Variants in USP4 observed in about 807,000 individuals in gnomAD.
USP4 encodes the protein ubiquitin specific peptidase 4.
Under a neutral mutation model 118.2 loss-of-function variants are expected in USP4, and 72 were observed. That is an observed-to-expected ratio of 0.61 (90% CI 0.50 to 0.74). USP4 has a LOEUF of 0.74. Among genes scored for constraint, USP4 ranks in the 30% least tolerant of loss-of-function variants. USP4 has a pLI of 0.00. For synonymous variants in USP4, 415 were observed against 440.4 expected, an observed-to-expected ratio of 0.94 and a Z score of 0.72; for missense variants, 1,037 against 1,185.7, an observed-to-expected ratio of 0.87 and a Z score of 1.84.
At position 49,300,494 on chromosome 3, in the gene USP4, A is replaced by G. The variant is rs2047253034; in HGVS notation, c.1485T>C (p.Pro495=). The G allele has an allele frequency of 6.2e-7, 1 of 1,614,228 alleles. No homozygotes were observed. Among genetic ancestry groups the G allele is most frequent in the South Asian group, 1.1e-5 (1 of 91,090 alleles). The change falls in exon 11 of 22, where the codon CCT becomes CCC. Residue 495 remains proline (P), a synonymous_variant. Coordinates refer to ENST00000265560, the MANE Select transcript of USP4 (RefSeq NM_003363.4). The part of the protein sequence containing the change: ...KDRVMEVFLV[P]ADPHCRPTQY... ...GAGTAGGTCTGCAGTGAGGGTCAGC[A>G]GGAACCAGGAAAACCTCCATAACTC... is the stretch of plus-strand genomic sequence containing the variant.
At chr3:49,304,372 C>G (rs2107782405) in intron 9 of USP4, among the ~76,000 whole-genome samples, 1 of 152,162 alleles carries the variant, frequency 6.6e-6, no homozygotes, top group South Asian at 2.1e-4. Context: ...CAGGAAAAAG[C>G]AGTTGGGGCA....
At chr3:49,285,376 G>C (rs1252385272) in intron 16 of USP4, among the ~76,000 whole-genome samples, 1 of 152,170 alleles carries the variant, frequency 6.6e-6, no homozygotes, top group Non-Finnish European at 1.5e-5. Flanking sequence ...TAGCATAGGG[G>C]AGAGAGGGGA....
At chr3:49,292,042 C>G (rs371532084) in intron 15 of USP4, among the ~76,000 whole-genome samples, 3 of 152,060 alleles carry the variant, frequency 2.0e-5, no homozygotes, top group Non-Finnish European at 2.9e-5. Flanking sequence ...CTCCTGACCT[C>G]GTGATCCGCC....
chr3:49,287,542 G>T (rs925100186), intron 15 of USP4, among the ~76,000 whole-genome samples: 1 of 150,134 alleles, frequency 6.7e-6, no homozygotes, highest in East Asian at 2.0e-4. Flanking sequence ...GTGCAATCTC[G>T]GCTCACTGCC....
intron 8 of USP4, among the ~76,000 whole-genome samples, chr3:49,306,404 T>A (rs544833937): frequency 2.7e-4 from 41 of 152,006 alleles, no homozygotes; most frequent in African/African-American, 8.9e-4. Context: ...GGTTTCACCA[T>A]GTTGGCCAGG....
chr3:49,317,544 T>A, intron 6 of USP4: 1 of 54,814 alleles, frequency 1.8e-5, no homozygotes, highest in South Asian at 4.9e-4. Flanking sequence ...GTTTGTTTGT[T>A]TTTTTTTTTT....
chr3:49,333,811 G>A (rs1012650697), intron 2 of USP4, among the ~76,000 whole-genome samples: 2 of 152,132 alleles, frequency 1.3e-5, no homozygotes, highest in African/African-American at 4.8e-5. Context: ...GCTGAGGTCG[G>A]GAGTTCAAGA....
intron 8 of USP4, among the ~76,000 whole-genome samples, chr3:49,309,413 T>C (rs1007200414): frequency 5.3e-5 from 8 of 152,098 alleles, no homozygotes; most frequent in Non-Finnish European, 1.2e-4. Flanking sequence ...GATGAATTAA[T>C]AAACAAGGTT....
chr3:49,314,497 A>G (rs73830706), intron 6 of USP4, among the ~76,000 whole-genome samples: 2 of 152,258 alleles, frequency 1.3e-5, no homozygotes, highest in Middle Eastern at 3.4e-3. Flanking sequence ...CATGTGTTCA[A>G]TCCTGTCCAG....
chr3:49,309,687 C>T (rs926499263), intron 8 of USP4, among the ~76,000 whole-genome samples: 6 of 125,144 alleles, frequency 4.8e-5, no homozygotes, highest in Admixed American at 1.1e-4. Context: ...AATACAATGG[C>T]GCAATCTCGG....
chr3:49,297,758 A>G (rs2107777131), intron 13 of USP4, 112 bp downstream of exon 13: 1 of 868,330 alleles, frequency 1.2e-6, no homozygotes, highest in South Asian at 1.5e-5. Flanking sequence ...GGTCAGGGCC[A>G]ATCCACATGA....
rs766574263 is a variant in USP4, at chr3:49,335,640, A to G, written c.102-44T>C. The G allele has an allele frequency of 6.2e-6, 10 of 1,609,844 alleles. No individual in the cohort carries two copies. In the East Asian group the frequency reaches 2.2e-4, roughly 36 times the overall value. ...TTACTGTAGCAGAAAAGCTGAGATT[A>G]TAAATTTCTGCAGCTGCTTCCTTAA... On this transcript the variant is annotated intron_variant, in intron 1 of 21. Transcript: ENST00000265560.
intron 7 of USP4, 22 bp from the exon 8 acceptor site, chr3:49,310,759 A>G (rs746209768): frequency 1.3e-6 from 2 of 1,580,098 alleles, no homozygotes; most frequent in Non-Finnish European, 1.7e-6. Flanking sequence ...AACACACATC[A>G]GCAATAAAAG....
chr3:49,284,509 C>A lies in USP4; in HGVS notation c.2347G>T (p.Glu783Ter). 6.2e-7 allele frequency: 1 copy of A among 1,614,094 alleles called. No homozygotes were observed. The highest frequency in any genetic ancestry group is 8.5e-7 in the Non-Finnish European group (1 of 1,180,028). ...KTTVALRDCI[E>*]LFTTMETLGE... ...AGGGTCTCCATGGTGGTGAAGAGCT[C>A]GATGCAGTCTCTCAGGGCCACTGTG... is the stretch of plus-strand genomic sequence containing the variant. The change falls in exon 18 of 22, where the codon GAG becomes TAG. Residue 783 changes from glutamate (E) to a stop codon, truncating the protein, a stop_gained. Transcript: ENST00000265560. LOFTEE classifies it high-confidence loss of function.
At chr3:49,300,417 C>G in intron 11 of USP4, 50 bp downstream of exon 11, 2 of 1,558,860 alleles carry the variant, frequency 1.3e-6, no homozygotes, top group South Asian at 1.1e-5. Flanking sequence ...CCACTGGGAT[C>G]TGGAGACCAC....
chr3:49,297,272 A>T (rs981827198), intron 13 of USP4, among the ~76,000 whole-genome samples: 2 of 152,202 alleles, frequency 1.3e-5, no homozygotes, highest in African/African-American at 4.8e-5. Context: ...CTGTGCCTGG[A>T]AGAGGGACAC....
At chr3:49,311,701 CAA>C (rs1431126041) in intron 6 of USP4, 47 bp from the exon 7 acceptor site, 40 of 1,606,394 alleles carry the variant, frequency 2.5e-5, no homozygotes, top group Non-Finnish European at 3.3e-5. Context: ...TTGCAAAGAG[CAA>C]GCCCTATTTA....
intron 15 of USP4, 83 bp from the exon 16 acceptor site, chr3:49,286,408 G>A: frequency 7.4e-7 from 1 of 1,344,390 alleles, no homozygotes; most frequent in South Asian, 1.3e-5. Flanking sequence ...TAACTATGGT[G>A]TTTCCTTCCA....
rs1302770604 is a variant in USP4 at position 49,292,572 on chromosome 3, T to A, written c.1910A>T (p.Asp637Val). ...ISRYVKQPLP[D>V]EFGSSPLEPG... Reference sequence around the variant, plus strand: ...CTCCAAGGGTGAGCTGCCAAACTCATCAGGTAAAGGCTGTTTCACATAGCG... The same window carrying A: ...CTCCAAGGGTGAGCTGCCAAACTCAACAGGTAAAGGCTGTTTCACATAGCG... Residue 637 changes from aspartate (D) to valine (V), a missense_variant, in exon 15 of 22, where the codon GAT becomes GTT. Physicochemically the swap from Asp to Val is radical, Grantham distance 152. Around this residue, in one of 3 missense-constraint regions of USP4, gnomAD observed 522 missense variants for 592.6 expected, o/e 0.88. Transcript: ENST00000265560. The A allele has an allele frequency of 6.2e-7, 1 of 1,600,100 alleles. No individual in the cohort carries two copies. Among genetic ancestry groups the A allele is most frequent in the African/African-American group, 1.3e-5 (1 of 74,396 alleles).
Sources: allele counts gnomAD v4.1 joint callset (sites outside exome capture counted in the v4.1 genomes callset), GRCh38; gene constraint gnomAD v4.1.1; regional missense constraint gnomAD v4.1.1; transcripts MANE v1.5; gene names NCBI Gene and HGNC (gene_info 2026-07-23, HGNC 2026-07-21).